The following DLG2 variants were observed in gnomAD, a reference collection of about 807,000 sequenced individuals.
The protein encoded by DLG2 is disks large homolog 2.
A neutral mutation model predicts 132.5 loss-of-function variants in DLG2; 45 were observed. The ratio of observed to expected loss-of-function variants is 0.34; its 90% CI spans 0.27 to 0.44. The LOEUF is 0.44. Ranked by LOEUF, DLG2 falls within the 20% of genes least tolerant of loss-of-function variation. The pLI, the probability that DLG2 is intolerant of heterozygous loss-of-function variation, is 1.00. For synonymous variants in DLG2, 424 were observed against 419.6 expected (o/e 1.01, Z -0.13); for missense variants, 1,045 against 1,196.9 (o/e 0.87, Z 1.87).
intron 3 of DLG2, among the ~76,000 whole-genome samples, chr11:85,576,892 T>C (rs1229603196): frequency 6.6e-6 from 1 of 152,062 alleles, no homozygotes; most frequent in Non-Finnish European, 1.5e-5. Context: ...AAGATGGCAA[T>C]TGAGCAGACA....
At chr11:83,787,930 A>G (rs905543552) in intron 17 of DLG2, among the ~76,000 whole-genome samples, 21 of 152,230 alleles carry the variant, frequency 1.4e-4, no homozygotes, top group Admixed American at 7.9e-4. Context: ...GCCCCAGAAG[A>G]GGGACAATGA....
chr11:84,034,982 A>G (rs548621341), intron 11 of DLG2, among the ~76,000 whole-genome samples: 47 of 152,298 alleles, frequency 3.1e-4, no homozygotes, highest in African/African-American at 1.1e-3. Context: ...ACATAGGTGA[A>G]CACGGCTTAA....
chr11:85,377,071 G>A (rs987849240), intron 3 of DLG2, among the ~76,000 whole-genome samples: 1 of 152,106 alleles, frequency 6.6e-6, no homozygotes, highest in African/African-American at 2.4e-5. Context: ...AAGAAACATA[G>A]CCAAGGTCAT....
At chr11:83,497,529 C>T (rs57477484) in intron 21 of DLG2, among the ~76,000 whole-genome samples, 42,272 of 150,342 alleles carry the variant, frequency 0.28, 6,253 homozygotes, top group East Asian at 0.35. Flanking sequence ...AGAGAGACTT[C>T]GTCTCAAAAA....
intron 7 of DLG2, among the ~76,000 whole-genome samples, chr11:84,486,140 G>A (rs1024681851): frequency 3.9e-5 from 6 of 152,046 alleles, no homozygotes; most frequent in Non-Finnish European, 8.8e-5. Flanking sequence ...GTGGCAGATG[G>A]GGATAGCCTC....
chr11:84,845,979 C>A (rs1470547020), intron 6 of DLG2, among the ~76,000 whole-genome samples: 2 of 151,842 alleles, frequency 1.3e-5, no homozygotes, highest in Non-Finnish European at 2.9e-5. Context: ...CTGATATTTA[C>A]TCTTTTGATT....
intron 4 of DLG2, among the ~76,000 whole-genome samples, chr11:85,250,930 T>C (rs1395051457): frequency 6.6e-6 from 1 of 152,192 alleles, no homozygotes; most frequent in Non-Finnish European, 1.5e-5. Context: ...CTCCATTATA[T>C]TTTCCTTGTA....
At chr11:85,102,297 T>C (rs966326106) in intron 6 of DLG2, among the ~76,000 whole-genome samples, 2 of 152,044 alleles carry the variant, frequency 1.3e-5, no homozygotes, top group African/African-American at 2.4e-5. Flanking sequence ...TTTCCTCATC[T>C]GTCAAACAAG....
chr11:84,777,277 GTGTGTA>G (rs2070756434), intron 6 of DLG2, among the ~76,000 whole-genome samples: 1 of 101,838 alleles, frequency 9.8e-6, no homozygotes, highest in African/African-American at 3.8e-5. Flanking sequence ...GTATATGTGT[GTGTGTA>G]TATATATATA....
At chr11:85,413,333 T>C (rs2089517066) in intron 3 of DLG2, among the ~76,000 whole-genome samples, 1 of 152,084 alleles carries the variant, frequency 6.6e-6, no homozygotes, top group South Asian at 2.1e-4. Flanking sequence ...ATTCTGAAGA[T>C]TTTTTCCCAC....
At chr11:83,681,514 T>C (rs937922531) in intron 18 of DLG2, among the ~76,000 whole-genome samples, 4 of 152,188 alleles carry the variant, frequency 2.6e-5, no homozygotes, top group African/African-American at 9.6e-5. Flanking sequence ...GCTCTTTCCA[T>C]AACGATCTAG....
intron 3 of DLG2, among the ~76,000 whole-genome samples, chr11:85,555,065 C>T (rs1465646630): frequency 6.6e-6 from 1 of 151,856 alleles, no homozygotes; most frequent in African/African-American, 2.4e-5. Context: ...TAACTCCTGT[C>T]CTCCCACTTG....
At chr11:83,650,385 G>C (rs2069824671) in intron 18 of DLG2, among the ~76,000 whole-genome samples, 1 of 152,100 alleles carries the variant, frequency 6.6e-6, no homozygotes, top group African/African-American at 2.4e-5. Flanking sequence ...TGTGAGGAAG[G>C]GGGTCACAAG....
At chr11:85,603,816 C>T (rs1410694487) in intron 2 of DLG2, among the ~76,000 whole-genome samples, 2 of 152,062 alleles carry the variant, frequency 1.3e-5, no homozygotes, top group East Asian at 3.9e-4. Context: ...ACTCAGAAGG[C>T]TGAGATGGGA....
At chr11:84,599,174 G>A (rs2099570228) in intron 6 of DLG2, among the ~76,000 whole-genome samples, 1 of 152,138 alleles carries the variant, frequency 6.6e-6, no homozygotes, top group South Asian at 2.1e-4. Context: ...GAGCCCGGGA[G>A]GCAGAGGTTG....
chr11:84,956,253 G>T (rs1250399205), intron 6 of DLG2, among the ~76,000 whole-genome samples: 2 of 152,138 alleles, frequency 1.3e-5, no homozygotes, highest in African/African-American at 2.4e-5. Flanking sequence ...AACATTGGGG[G>T]AATGTTTGTA....
In DLG2 at chr11:85,413,486, T is replaced by C. The variant is rs139974298; in HGVS notation, c.41-128121A>G. 1.0e-3 allele frequency among the ~76,000 whole-genome samples: 156 copies of C among 152,192 alleles called. 1 individual carries two copies. Among genetic ancestry groups the C allele is most frequent in the Non-Finnish European group, 1.5e-3 (101 of 67,992 alleles). ...GTCATGAAATCCTTGCCTAAGCCAA[T>C]GTCTAGAAGGATTTTTTTGATGTTA... On this transcript the variant is annotated intron_variant, in intron 3 of 27. Transcript: ENST00000376104.
chr11:84,627,420 A>G (rs537614163), intron 6 of DLG2, among the ~76,000 whole-genome samples: 3 of 152,336 alleles, frequency 2.0e-5, no homozygotes, highest in South Asian at 4.1e-4. Flanking sequence ...TTACACATAT[A>G]CTACAAAAAT....
intron 6 of DLG2, among the ~76,000 whole-genome samples, chr11:84,723,933 T>C (rs1002024239): frequency 3.9e-5 from 6 of 152,196 alleles, no homozygotes; most frequent in African/African-American, 1.2e-4. Context: ...GGATTATCAA[T>C]AAATGTAACC....
Sources: gnomAD v4.1 joint callset for allele counts (sites outside exome capture counted in the v4.1 genomes callset) on GRCh38, gnomAD v4.1.1 for gene constraint, MANE v1.5 for transcripts, NCBI Gene and HGNC (gene_info 2026-07-23, HGNC 2026-07-21) for gene names.